Variants in ZNF721 observed in about 807,000 individuals in gnomAD.
The protein encoded by ZNF721 is zinc finger protein 721.
ZNF721 carries 2 observed loss-of-function variants against 2.4 expected under a neutral mutation model. That is an observed-to-expected ratio of 0.82 (90% CI 0.34 to 2.58). The LOEUF is 2.58. Ranked by LOEUF, ZNF721 falls within the 30% of genes most tolerant of loss-of-function variation. The pLI, the probability that ZNF721 is intolerant of heterozygous loss-of-function variation, is 0.11. For synonymous variants in ZNF721, 398 were observed against 381.8 expected (o/e 1.04, Z -0.50); for missense variants, 1,187 against 1,085.5 (o/e 1.09, Z -1.31).
At chr4:479,232 C>A (rs915255787) in intron 1 of ZNF721, among the ~76,000 whole-genome samples, 2 of 151,992 alleles carry the variant, frequency 1.3e-5, no homozygotes, top group Non-Finnish European at 2.9e-5. Flanking sequence ...TTAGATCTCC[C>A]CCTGGCAACC....
chr4:481,064 G>A (rs1488291611), intron 1 of ZNF721, among the ~76,000 whole-genome samples: 1 of 152,154 alleles, frequency 6.6e-6, no homozygotes, highest in East Asian at 1.9e-4. Context: ...TGGGACTACA[G>A]ACACAGGCCA....
intron 2 of ZNF721, among the ~76,000 whole-genome samples, chr4:447,101 C>G (rs1714502718): frequency 6.6e-6 from 1 of 152,116 alleles, no homozygotes. Context: ...GCGGGTGGAT[C>G]ACAAGGTCAG....
In ZNF721 at chr4:441,695, T is replaced by A. The variant is rs782748545; in HGVS notation, c.2772A>T (p.Ter924TyrextTer7). 2.0e-5 allele frequency: 32 copies of A among 1,600,764 alleles called. No homozygotes were observed. Among genetic ancestry groups the A allele is most frequent in the Non-Finnish European group, 2.6e-5 (31 of 1,172,484 alleles). ...TGACTTAAAGGCTTTGCCACATTCT[T>A]TACACTTGTATGGTTTTATCTCCAG... ...IHTGDKTIQV[*>Y] The change falls in exon 3 of 3, where the codon TAA becomes TAT. Residue 924 changes from the stop codon to tyrosine, a stop_lost. Transcript: ENST00000511833.
In ZNF721 at chr4:442,493, T is replaced by C. The variant is rs201721590; in HGVS notation, c.1974A>G (p.Gln658=). 1 of 1,612,996 alleles carries C rather than the reference T, an allele frequency of 6.2e-7. No homozygotes were observed. ...GCTCTCCAGTAAGAATTTTCGTGTG[T>C]TGATTCAGGTCTGTTGATGGGGCAA... is the stretch of plus-strand genomic sequence containing the variant. The part of the protein sequence containing the change: ...KAFAPSTDLN[Q]HTKILTGEQS... Residue 658 remains glutamine, a synonymous_variant, in exon 3 of 3, where the codon CAA becomes CAG. Coordinates refer to ENST00000511833, the MANE Select transcript of ZNF721 (RefSeq NM_133474.4).
rs183827645 is a variant in ZNF721, at chr4:478,664, A to G, written c.-93-5963T>C. On this transcript the variant is annotated intron_variant, in intron 1 of 2. Transcript: ENST00000511833. Reference sequence around the variant, plus strand: ...GTAGCTTCCAACTTTTGATTTTGGAATAATACTGTTTATGAACATGGGTGT... The same window carrying G: ...GTAGCTTCCAACTTTTGATTTTGGAGTAATACTGTTTATGAACATGGGTGT... 5.3e-5 allele frequency among the ~76,000 whole-genome samples: 8 copies of G among 152,340 alleles called. No homozygotes were observed. In the East Asian group the frequency reaches 1.3e-3, roughly 26 times the overall value.
chr4:473,285 G>A (rs1715496319), intron 1 of ZNF721, among the ~76,000 whole-genome samples: 1 of 152,122 alleles, frequency 6.6e-6, no homozygotes. Flanking sequence ...CCTGTTAACG[G>A]TGATGCTCCT....
intron 2 of ZNF721, among the ~76,000 whole-genome samples, chr4:469,400 T>C (rs115323694): frequency 0.017 from 2,548 of 152,284 alleles, 68 homozygotes; most frequent in African/African-American, 0.057. Flanking sequence ...AAATCTAGTG[T>C]ATAACAATAA....
chr4:472,660 T>C lies in ZNF721; in HGVS notation c.-52A>G, dbSNP rs1553867928. On this transcript the variant is annotated 5_prime_UTR_variant, in exon 2 of 3. Coordinates refer to ENST00000511833, the MANE Select transcript of ZNF721 (RefSeq NM_133474.4). ...CAGGGTCCAGGCATTTCCACTCTTC[T>C]GGAGAGAATTCTATGGCCACATCCC... 1 of 1,613,918 alleles carries C rather than the reference T, an allele frequency of 6.2e-7. No individual in the cohort carries two copies. The highest frequency in any genetic ancestry group is 1.7e-5 in the Admixed American group (1 of 59,920).
At chr4:485,961 G>A (rs527405288) in intron 1 of ZNF721, among the ~76,000 whole-genome samples, 12 of 152,016 alleles carry the variant, frequency 7.9e-5, no homozygotes, top group East Asian at 3.9e-4. Flanking sequence ...GCGACAGAGC[G>A]AGACTCCATC....
chr4:459,188 G>A (rs1553865728), intron 2 of ZNF721, among the ~76,000 whole-genome samples: 1 of 152,146 alleles, frequency 6.6e-6, no homozygotes. Flanking sequence ...ACCACCCTCT[G>A]CAAAAACATA....
At chr4:464,210 C>A (rs1715164754) in intron 2 of ZNF721, among the ~76,000 whole-genome samples, 1 of 152,160 alleles carries the variant, frequency 6.6e-6, no homozygotes, top group Non-Finnish European at 1.5e-5. Flanking sequence ...GTTGCGCACA[C>A]CTGTAATCCC....
intron 1 of ZNF721, among the ~76,000 whole-genome samples, chr4:496,182 C>T (rs1269806474): frequency 3.9e-5 from 6 of 152,078 alleles, no homozygotes; most frequent in Non-Finnish European, 8.8e-5. Context: ...TATTTAGCCG[C>T]TTCAGAGGCC....
chr4:458,358 C>T (rs1345612352), intron 2 of ZNF721, among the ~76,000 whole-genome samples: 2 of 152,180 alleles, frequency 1.3e-5, no homozygotes, highest in South Asian at 2.1e-4. Flanking sequence ...TTATTACAAT[C>T]TCAGTGGAAA....
intron 2 of ZNF721, among the ~76,000 whole-genome samples, chr4:445,023 C>T (rs951172889): frequency 6.6e-5 from 9 of 137,036 alleles, no homozygotes; most frequent in African/African-American, 1.7e-4. Flanking sequence ...CTCACTCTGT[C>T]GCCCAGGCTG....
In ZNF721 at chr4:496,707, C is replaced by CTTTTTTTTTT; in HGVS notation, c.-94+2339_-94+2348dup. 1.4e-3 allele frequency among the ~76,000 whole-genome samples: 114 copies of CTTTTTTTTTT among 83,886 alleles called. 10 individuals carry two copies. Among genetic ancestry groups the CTTTTTTTTTT allele is most frequent in the African/African-American group, 3.4e-3 (72 of 21,472 alleles). The allele number at this position is 83,886 out of a possible 152,430, so 55.0% of individuals were successfully genotyped here. On this transcript the variant is annotated intron_variant, in intron 1 of 2. Coordinates refer to ENST00000511833, the MANE Select transcript of ZNF721 (RefSeq NM_133474.4). ...AATGATCACACAAAATACATGACTTCTTTTTTTTTTTTTTTTTTTTTTTTT... is the reference window on the plus strand; with the variant it reads ...AATGATCACACAAAATACATGACTTCTTTTTTTTTTTTTTTTTTTTTTTTTTTTTTTTTTT...
chr4:484,094 G>C (rs1553869898), intron 1 of ZNF721, among the ~76,000 whole-genome samples: 1 of 152,220 alleles, frequency 6.6e-6, no homozygotes, highest in African/African-American at 2.4e-5. Context: ...GGATTGTGAA[G>C]ATTTTATGGA....
rs782671201 is a variant in ZNF721, at chr4:472,638, G to C, written c.-30C>G. On this transcript the variant is annotated 5_prime_UTR_variant, in exon 2 of 3. Transcript: ENST00000511833. The stretch of plus-strand genomic sequence containing the variant: ...TCTCTATACAAATTCTGCTGGGCAG[G>C]GTCCAGGCATTTCCACTCTTCTGGA... 1 of 1,613,906 alleles carries C rather than the reference G, an allele frequency of 6.2e-7. No individual in the cohort carries two copies. Among genetic ancestry groups the C allele is most frequent in the East Asian group, 2.2e-5 (1 of 44,856 alleles).
At chr4:452,644 T>TG (rs1553864958) in intron 2 of ZNF721, among the ~76,000 whole-genome samples, 1 of 152,140 alleles carries the variant, frequency 6.6e-6, no homozygotes, top group African/African-American at 2.4e-5. Flanking sequence ...ACATGCTAAT[T>TG]GGAGTCTTAG....
chr4:450,956 AATATAT>A (rs71166812), intron 2 of ZNF721, among the ~76,000 whole-genome samples: 1,337 of 63,600 alleles, frequency 0.021, 30 homozygotes, highest in African/African-American at 0.03. Flanking sequence ...AAAAAAAAAA[AATATAT>A]ATATATATAT....
Sources: gnomAD v4.1 joint callset for allele counts (sites outside exome capture counted in the v4.1 genomes callset) on GRCh38, gnomAD v4.1.1 for gene constraint, MANE v1.5 for transcripts, NCBI Gene and HGNC (gene_info 2026-07-23, HGNC 2026-07-21) for gene names.